Variants in MAD1L1 observed in about 807,000 individuals in gnomAD.
MAD1L1 encodes mitotic arrest deficient 1 like 1, also known as mitotic spindle assembly checkpoint protein MAD1.
MAD1L1 carries 95 observed loss-of-function variants against 96.9 expected under a neutral mutation model. The observed-to-expected ratio is 0.98, with a 90% confidence interval of 0.83 to 1.16. MAD1L1 has a LOEUF of 1.16. Among genes scored for constraint, MAD1L1 ranks in the 50% most tolerant of loss-of-function variants. The pLI is 0.00. For synonymous variants in MAD1L1, 473 were observed against 396.6 expected, an observed-to-expected ratio of 1.19 and a Z score of -2.29; for missense variants, 1,007 against 954.4, an observed-to-expected ratio of 1.06 and a Z score of -0.73.
At chr7:2,207,145 C>G (rs1792640175) in intron 10 of MAD1L1, among the ~76,000 whole-genome samples, 1 of 151,484 alleles carries the variant, frequency 6.6e-6, no homozygotes, top group African/African-American at 2.4e-5. Flanking sequence ...TTGATTGGGA[C>G]TATGTTAAAT....
chr7:2,177,440 A>C (rs1201344970), intron 10 of MAD1L1, among the ~76,000 whole-genome samples: 1 of 152,222 alleles, frequency 6.6e-6, no homozygotes, highest in African/African-American at 2.4e-5. Flanking sequence ...TCAACATTGT[A>C]CATCTCAAGA....
intron 17 of MAD1L1, among the ~76,000 whole-genome samples, chr7:1,902,774 C>T (rs562382271): frequency 8.0e-4 from 121 of 151,912 alleles, no homozygotes; most frequent in African/African-American, 2.8e-3. Flanking sequence ...CAGTGGCCTA[C>T]GGAAGACGAT....
chr7:2,102,557 C>A (rs1349653055), intron 11 of MAD1L1, among the ~76,000 whole-genome samples: 1 of 152,078 alleles, frequency 6.6e-6, no homozygotes, highest in South Asian at 2.1e-4. Flanking sequence ...ACCATCACAA[C>A]TGTCACCATC....
At chr7:2,132,383 G>A (rs116697283) in intron 11 of MAD1L1, among the ~76,000 whole-genome samples, 1,512 of 149,156 alleles carry the variant, frequency 0.01, 22 homozygotes, top group African/African-American at 0.036. Context: ...GTGCGACCGC[G>A]CGTCCACCAT....
At chr7:1,984,909 G>A (rs906078287) in intron 14 of MAD1L1, among the ~76,000 whole-genome samples, 2 of 151,960 alleles carry the variant, frequency 1.3e-5, no homozygotes, top group Non-Finnish European at 2.9e-5. Flanking sequence ...TAATTCTCTC[G>A]AGGCTTAGAA....
intron 17 of MAD1L1, among the ~76,000 whole-genome samples, chr7:1,925,173 G>A (rs1364173523): frequency 6.6e-6 from 1 of 152,172 alleles, no homozygotes; most frequent in Non-Finnish European, 1.5e-5. Flanking sequence ...CCTATCAGGT[G>A]CACATGGGAC....
In MAD1L1 at chr7:1,889,763, G is replaced by A. The variant is rs559075438; in HGVS notation, c.1998+8437C>T. On this transcript the variant is annotated intron_variant, in intron 18 of 18. Transcript: ENST00000265854. Reference sequence around the variant, plus strand: ...TGCTGCTGTCAGCTGAGCCTGCCATGTTTGTGGCTTGGCCCTTCCTCACCT... The same window carrying A: ...TGCTGCTGTCAGCTGAGCCTGCCATATTTGTGGCTTGGCCCTTCCTCACCT... 4.6e-5 allele frequency among the ~76,000 whole-genome samples: 7 copies of A among 152,346 alleles called. No homozygotes were observed. The East Asian group carries it at 1.2e-3, about 25-fold the overall frequency.
chr7:2,216,959 C>A (rs1419782078), intron 7 of MAD1L1, among the ~76,000 whole-genome samples: 2 of 152,138 alleles, frequency 1.3e-5, no homozygotes, highest in Non-Finnish European at 2.9e-5. Flanking sequence ...CGCCGACCTC[C>A]CAGCCCTCCG....
Position 2,037,883 on chromosome 7 carries a change from C to T in MAD1L1, c.1219-23241G>A, listed in dbSNP as rs143307063. 1.7e-3 allele frequency among the ~76,000 whole-genome samples: 258 copies of T among 152,250 alleles called. 1 individual carries two copies. The highest frequency in any genetic ancestry group is 5.5e-3 in the African/African-American group (230 of 41,548). ...TAAGCATTCAAGAGAAAGGAAGAGT[C>T]GCATGTCTCTCCTTTAAACCAAAAG... On this transcript the variant is annotated intron_variant, in intron 12 of 18. Coordinates refer to ENST00000265854, the MANE Select transcript of MAD1L1 (RefSeq NM_001013836.2).
intron 18 of MAD1L1, among the ~76,000 whole-genome samples, chr7:1,830,248 T>C (rs939847195): frequency 2.0e-4 from 31 of 152,028 alleles, no homozygotes; most frequent in African/African-American, 6.3e-4. Flanking sequence ...AATACAAAAA[T>C]TGGCCACGTG....
intron 17 of MAD1L1, among the ~76,000 whole-genome samples, chr7:1,930,689 T>A (rs1789420506): frequency 6.6e-6 from 1 of 150,894 alleles, no homozygotes; most frequent in African/African-American, 2.4e-5. Flanking sequence ...AAGAGACATC[T>A]GCTGACCCCC....
Position 1,968,453 on chromosome 7 carries a change from T to C in MAD1L1, c.1506-10734A>G, listed in dbSNP as rs547616027. On this transcript the variant is annotated intron_variant, in intron 15 of 18. Transcript: ENST00000265854. The surrounding 1 kb of genome is among the most constrained non-coding windows in gnomAD (Gnocchi z 5.6). ...GGTCCACCGTCAACGCCAGCAGTCATGTCCACCATCAATGCCTCAGTCCAG... is the reference window on the plus strand; with the variant it reads ...GGTCCACCGTCAACGCCAGCAGTCACGTCCACCATCAATGCCTCAGTCCAG... Among the ~76,000 whole-genome samples, 64 of 140,520 alleles carry C rather than the reference T, an allele frequency of 4.6e-4. No homozygotes were observed. Among genetic ancestry groups the C allele is most frequent in the African/African-American group, 1.6e-3 (59 of 36,270 alleles). 92.2% of individuals were successfully genotyped at this position (140,520 alleles called of 152,430 possible).
intron 12 of MAD1L1, among the ~76,000 whole-genome samples, chr7:2,059,756 G>C (rs760603950): frequency 6.6e-6 from 1 of 152,044 alleles, no homozygotes; most frequent in Non-Finnish European, 1.5e-5. Context: ...CTCTCAGAGA[G>C]TATGAGTGTG....
intron 1 of MAD1L1, among the ~76,000 whole-genome samples, chr7:2,232,347 A>G (rs3757438): frequency 0.057 from 8,609 of 152,326 alleles, 273 homozygotes; most frequent in Middle Eastern, 0.082. Flanking sequence ...CCATTGCCCA[A>G]ACGAGATCAG....
rs571604384 is a variant in MAD1L1 at position 1,967,896 on chromosome 7, A to G, written c.1506-10177T>C. On this transcript the variant is annotated intron_variant, in intron 15 of 18. Coordinates refer to ENST00000265854, the MANE Select transcript of MAD1L1 (RefSeq NM_001013836.2). ...CGGTGCGTGCACCAGATCAGAACAC[A>G]GAGCACGCGGGAAACTCCCTCCAGT... 5.4e-5 allele frequency among the ~76,000 whole-genome samples: 8 copies of G among 148,562 alleles called. No individual in the cohort carries two copies. In the South Asian group the frequency reaches 8.3e-4, roughly 15 times the overall value.
chr7:2,187,742 T>G (rs1791529632), intron 10 of MAD1L1, among the ~76,000 whole-genome samples: 1 of 152,268 alleles, frequency 6.6e-6, no homozygotes, highest in Non-Finnish European at 1.5e-5. Flanking sequence ...CGATGGTTGG[T>G]CTTCCATGTT....
chr7:2,017,091 T>A (rs1206275165), intron 12 of MAD1L1, among the ~76,000 whole-genome samples: 1 of 152,228 alleles, frequency 6.6e-6, no homozygotes, highest in Non-Finnish European at 1.5e-5. Flanking sequence ...AAGAAAAGCA[T>A]TAGAAAGTTT....
intron 18 of MAD1L1, among the ~76,000 whole-genome samples, chr7:1,838,104 T>C (rs1783033466): frequency 6.6e-6 from 1 of 152,224 alleles, no homozygotes; most frequent in Non-Finnish European, 1.5e-5. Context: ...GCAGTCCCTC[T>C]ACCCGAAACC....
chr7:2,186,807 T>TC (rs1042255208), intron 10 of MAD1L1, among the ~76,000 whole-genome samples: 6 of 149,872 alleles, frequency 4.0e-5, no homozygotes, highest in African/African-American at 7.5e-5. Flanking sequence ...TTTTTTTTTT[T>TC]CTCTGAGACG....
Sources: gnomAD v4.1 joint callset for allele counts (sites outside exome capture counted in the v4.1 genomes callset) on GRCh38, gnomAD v4.1.1 for gene constraint, Gnocchi (gnomAD v3.1) non-coding constraint, MANE v1.5 for transcripts, NCBI Gene and HGNC (gene_info 2026-07-23, HGNC 2026-07-21) for gene names.